DNAH8: variants seen among roughly 807,000 people sequenced by gnomAD.
DNAH8 encodes the protein dynein axonemal heavy chain 8.
A neutral mutation model predicts 562.1 loss-of-function variants in DNAH8; 382 were observed. The observed-to-expected ratio is 0.68, with a 90% CI of 0.63 to 0.74. The LOEUF (loss-of-function observed/expected upper bound fraction) is 0.74. Ranked by LOEUF, DNAH8 falls within the 30% of genes least tolerant of loss-of-function variation. DNAH8 has a pLI of 0.00. For synonymous variants in DNAH8, 1,881 were observed against 1,919.4 expected (o/e 0.98, Z 0.52); for missense variants, 5,203 against 5,620.4 (o/e 0.93, Z 2.37).
At chr6:38,838,086 TACTA>T in intron 33 of DNAH8, 44 bp downstream of exon 33, 1 of 1,210,016 alleles carries the variant, frequency 8.3e-7, no homozygotes, top group South Asian at 1.3e-5. Flanking sequence ...AATAATTAAA[TACTA>T]TCTATTAGAA....
intron 82 of DNAH8, among the ~76,000 whole-genome samples, chr6:38,958,163 G>C (rs1762376783): frequency 7.1e-6 from 1 of 140,116 alleles, no homozygotes; most frequent in Non-Finnish European, 1.6e-5. Context: ...CACCACGCCT[G>C]ACTAATTTTT....
In DNAH8 at chr6:38,786,890, G is replaced by T; in HGVS notation, c.2521G>T (p.Glu841Ter). 6.2e-7 allele frequency: 1 copy of T among 1,613,284 alleles called. No individual in the cohort carries two copies. Among genetic ancestry groups the T allele is most frequent in the Non-Finnish European group, 8.5e-7 (1 of 1,179,610 alleles). Residue 841 changes from glutamate (E) to a stop codon, truncating the protein, a stop_gained, in exon 18 of 93, where the codon GAA (glutamate) becomes TAA (stop). Coordinates refer to ENST00000327475, the MANE Select transcript of DNAH8 (RefSeq NM_001206927.2). LOFTEE classifies it high-confidence loss of function. The part of the protein sequence containing the change: ...CMIKMKLDVP[E>*]QAKRLLKLES... ...GATAAAAATGAAGTTGGATGTACCA[G>T]AACAGGCAAAGAGATTGCTAAAATT...
intron 58 of DNAH8, among the ~76,000 whole-genome samples, chr6:38,893,057 T>G (rs959392948): frequency 6.6e-6 from 1 of 152,216 alleles, no homozygotes; most frequent in Non-Finnish European, 1.5e-5. Flanking sequence ...TGTTCCCTGT[T>G]CATTCTCAGG....
chr6:38,775,594 A>G (rs1242804174), intron 12 of DNAH8, among the ~76,000 whole-genome samples, 160 bp from the exon 13 acceptor site: 2 of 152,092 alleles, frequency 1.3e-5, no homozygotes, highest in Admixed American at 1.3e-4. Flanking sequence ...GGTGACAGAG[A>G]TTTGTCTTCT....
chr6:38,893,571 A>G (rs888259582), intron 58 of DNAH8, among the ~76,000 whole-genome samples: 5 of 152,174 alleles, frequency 3.3e-5, no homozygotes, highest in Admixed American at 6.5e-5. Context: ...TAATATAACT[A>G]TATGTTTTAC....
At position 38,752,016 on chromosome 6, in the gene DNAH8, C is replaced by T. The variant is rs568413774; in HGVS notation, c.1407+1427C>T. ...ACCCTCATTTCAAAGATTAGGAAAC[C>T]GAGTTTGAACATTTCTATGATGATC... On this transcript the variant is annotated intron_variant, in intron 9 of 92. Transcript: ENST00000327475. 1.4e-4 allele frequency among the ~76,000 whole-genome samples: 22 copies of T among 152,238 alleles called. 1 individual carries two copies. In the South Asian group the frequency reaches 3.3e-3, roughly 23 times the overall value.
chr6:38,724,344 A>G (rs1291485671), intron 3 of DNAH8, among the ~76,000 whole-genome samples: 1 of 152,202 alleles, frequency 6.6e-6, no homozygotes, highest in African/African-American at 2.4e-5. Context: ...GTTAGCAACT[A>G]GAATTTTGGC....
intron 88 of DNAH8, among the ~76,000 whole-genome samples, chr6:39,003,280 G>A (rs1043130319): frequency 2.0e-5 from 3 of 152,098 alleles, no homozygotes; most frequent in Non-Finnish European, 4.4e-5. Flanking sequence ...CTTTCTGGTG[G>A]GGCATAAAGA....
intron 4 of DNAH8, among the ~76,000 whole-genome samples, chr6:38,732,665 C>A: frequency 6.6e-6 from 1 of 152,178 alleles, no homozygotes; most frequent in East Asian, 1.9e-4. Flanking sequence ...CATCAGTAGA[C>A]TTCCATCTCT....
chr6:38,959,514 TTAAAATAGC>T (rs1372172052), intron 82 of DNAH8, among the ~76,000 whole-genome samples: 2 of 151,810 alleles, frequency 1.3e-5, no homozygotes, highest in Non-Finnish European at 2.9e-5. Flanking sequence ...GCAATCCCAT[TTAAAATAGC>T]TACAAAAAAT....
chr6:38,741,849 A>G lies in DNAH8; in HGVS notation c.1255A>G (p.Ile419Val). The change falls in exon 8 of 93, where the codon ATA becomes GTA. Residue 419 changes from isoleucine to valine, a missense_variant. Physicochemically the swap from Ile to Val is conservative, Grantham distance 29. Around this residue, in one of 6 missense-constraint regions of DNAH8, gnomAD observed 2,176 missense variants for 2,365.1 expected, o/e 0.92. Transcript: ENST00000327475. ...QIKGPSCKAV[I>V]NVLNVAHSKL... ...TAAAGGGCCAAGTTGTAAGGCTGTC[A>G]TAAATGTGCTAAATGTTGCACACTC... The G allele has an allele frequency of 6.2e-7, 1 of 1,614,016 alleles. No individual in the cohort carries two copies. Among genetic ancestry groups the G allele is most frequent in the African/African-American group, 1.3e-5 (1 of 75,064 alleles).
rs892564706 is a variant in DNAH8, at chr6:38,935,702, T to C, written c.11563+5T>C. 6.3e-7 allele frequency: 1 copy of C among 1,583,206 alleles called. No individual in the cohort carries two copies. Among genetic ancestry groups the C allele is most frequent in the African/African-American group, 1.3e-5 (1 of 74,120 alleles). ...ATAAATTAAGTGCTACAAAAGGTAT[T>C]GTGTTATTAAGAAGTAATGAAATAA... On this transcript the variant is annotated splice_donor_5th_base_variant and intron_variant, in intron 77 of 92. Transcript: ENST00000327475.
intron 91 of DNAH8, among the ~76,000 whole-genome samples, chr6:39,016,203 A>G (rs555189626): frequency 2.0e-5 from 3 of 152,284 alleles, no homozygotes; most frequent in Admixed American, 6.5e-5. Flanking sequence ...GTCCTCTTCA[A>G]TGAAGTAATT....
chr6:38,736,510 C>A (rs1404433383), intron 5 of DNAH8, among the ~76,000 whole-genome samples: 2 of 152,158 alleles, frequency 1.3e-5, no homozygotes, highest in African/African-American at 4.8e-5. Context: ...CACACACTCA[C>A]AGTTAAAAAA....
At chr6:38,851,538 C>A (rs750101376) in intron 38 of DNAH8, 34 bp from the exon 39 acceptor site, 12 of 1,389,848 alleles carry the variant, frequency 8.6e-6, no homozygotes, top group African/African-American at 4.4e-5. Context: ...GGAAAAAAAA[C>A]CACTTGGTAA....
At position 38,778,314 on chromosome 6, in the gene DNAH8, A is replaced by G. The variant is rs1033526; in HGVS notation, c.1963-74A>G. ...GAGGCTATCTTAATTCTGTAGGAAA[A>G]GCATTAACTGTTGTTAAACAAAACC... On this transcript the variant is annotated intron_variant, in intron 13 of 92. Coordinates refer to ENST00000327475, the MANE Select transcript of DNAH8 (RefSeq NM_001206927.2). 382,964 of 739,470 alleles carry G rather than the reference A, an allele frequency of 0.52. 101,600 individuals are homozygous for G. Among genetic ancestry groups the G allele is most frequent in the East Asian group, 0.8 (28,456 of 35,402 alleles). 45.8% of individuals were successfully genotyped at this position (739,470 alleles called of 1,614,324 possible).
At chr6:38,922,002 G>C (rs532003537) in intron 71 of DNAH8, among the ~76,000 whole-genome samples, 17 of 151,622 alleles carry the variant, frequency 1.1e-4, no homozygotes, top group East Asian at 3.9e-4. Flanking sequence ...GGATGAGCCA[G>C]GAAAAGGAAT....
chr6:38,883,356 A>G lies in DNAH8; in HGVS notation c.8036A>G (p.Lys2679Arg). The G allele has an allele frequency of 6.2e-7, 1 of 1,612,982 alleles. No individual in the cohort carries two copies. ...VLLTGEQGTA[K>R]TVMVKAYLKK... ...CTCACAGGAGAGCAGGGAACTGCAA[A>G]AACTGTCATGGTTAAGGCCTATTTG... Residue 2679 changes from lysine (K) to arginine (R), a missense_variant, in exon 55 of 93, where the codon AAA (lysine) becomes AGA (arginine). Physicochemically the swap from Lys to Arg is conservative, Grantham distance 26. Transcript: ENST00000327475.
At chr6:38,814,269 T>C (rs1367033392) in intron 25 of DNAH8, 140 bp downstream of exon 25, 1 of 608,384 alleles carries the variant, frequency 1.6e-6, no homozygotes, top group African/African-American at 1.9e-5. Flanking sequence ...GGAAATGTCA[T>C]TTATATCTGT....
Sources: allele counts gnomAD v4.1 joint callset (sites outside exome capture counted in the v4.1 genomes callset), GRCh38; gene constraint gnomAD v4.1.1; regional missense constraint gnomAD v4.1.1; transcripts MANE v1.5; gene names NCBI Gene and HGNC (gene_info 2026-07-23, HGNC 2026-07-21).